The following ASAP1 variants were observed in gnomAD, a reference collection of about 807,000 sequenced individuals.
The protein encoded by ASAP1 is ArfGAP with SH3 domain, ankyrin repeat and PH domain 1.
ASAP1 carries 43 observed loss-of-function variants against 145.2 expected under a neutral mutation model. The observed-to-expected ratio is 0.30, with a 90% CI of 0.23 to 0.38. ASAP1 has a LOEUF of 0.38. Ranked by LOEUF, ASAP1 falls within the 10% of genes least tolerant of loss-of-function variation. The pLI is 1.00. For missense variants in ASAP1, 1,018 were observed against 1,355.3 expected, an observed-to-expected ratio of 0.75 and a Z score of 3.91; for synonymous variants, 546 against 515.5, an observed-to-expected ratio of 1.06 and a Z score of -0.80.
At chr8:130,114,698 T>C (rs2097552073) in intron 23 of ASAP1, among the ~76,000 whole-genome samples, 1 of 152,186 alleles carries the variant, frequency 6.6e-6, no homozygotes, top group Non-Finnish European at 1.5e-5. Flanking sequence ...GAAATGTTAT[T>C]ATACAGTGCA....
intron 27 of ASAP1, among the ~76,000 whole-genome samples, chr8:130,071,261 T>C (rs142287060): frequency 1.3e-5 from 2 of 152,266 alleles, no homozygotes; most frequent in Admixed American, 6.5e-5. Flanking sequence ...TATGAGCCAC[T>C]GCGCCCAACA....
intron 11 of ASAP1, chr8:130,167,329 C>T: frequency 3.1e-6 from 2 of 649,290 alleles, no homozygotes; most frequent in Admixed American, 2.5e-5. Flanking sequence ...AAAAAAAATC[C>T]AGAGTCATGG....
intron 3 of ASAP1, among the ~76,000 whole-genome samples, chr8:130,277,452 AT>A (rs777124693): frequency 2.0e-5 from 3 of 152,222 alleles, no homozygotes; most frequent in Non-Finnish European, 4.4e-5. Flanking sequence ...AAAAATACAA[AT>A]TCAAAATATG....
At chr8:130,227,411 C>A (rs929925202) in intron 4 of ASAP1, among the ~76,000 whole-genome samples, 17 of 152,014 alleles carry the variant, frequency 1.1e-4, no homozygotes, top group African/African-American at 4.1e-4. Context: ...TGCCACCATG[C>A]CCAGCTAATT....
rs1024739455 is a variant in ASAP1 at position 130,302,579 on chromosome 8, G to A, written c.186+55438C>T. 7.2e-5 allele frequency among the ~76,000 whole-genome samples: 11 copies of A among 152,322 alleles called. No homozygotes were observed. The South Asian group carries it at 2.1e-3, about 29-fold the overall frequency. On this transcript the variant is annotated intron_variant, in intron 3 of 29. Transcript: ENST00000518721. ...ACAACCAAGTTCTTTATCCAGATCA[G>A]CTGCCATCTGCTGGGAGCACTAGAT... is the stretch of plus-strand genomic sequence containing the variant.
chr8:130,361,797 G>A, intron 2 of ASAP1: 1 of 1,461,438 alleles, frequency 6.8e-7, no homozygotes, highest in Non-Finnish European at 9.3e-7. Flanking sequence ...GACTGACATG[G>A]GCAAAACGTA....
intron 3 of ASAP1, among the ~76,000 whole-genome samples, chr8:130,260,719 TGAAGG>T (rs746239790): frequency 3.9e-5 from 6 of 152,100 alleles, no homozygotes; most frequent in East Asian, 3.9e-4. Flanking sequence ...ATTTGGCCTC[TGAAGG>T]GATCCCCAGG....
chr8:130,310,658 C>T (rs1008955752), intron 3 of ASAP1, among the ~76,000 whole-genome samples: 4 of 151,376 alleles, frequency 2.6e-5, no homozygotes, highest in Admixed American at 6.6e-5. Flanking sequence ...TTTATAGAGT[C>T]AATCACCAAA....
Position 130,141,890 on chromosome 8 carries a change from T to A in ASAP1, c.1081-4852A>T, listed in dbSNP as rs1239768988. Among the ~76,000 whole-genome samples, 7 of 152,036 alleles carry A rather than the reference T, an allele frequency of 4.6e-5. 1 individual carries two copies. The South Asian group carries it at 1.0e-3, about 23-fold the overall frequency. On this transcript the variant is annotated intron_variant, in intron 13 of 29. Transcript: ENST00000518721. ...GCCTCACCATGCTTGACTAATTTTT[T>A]AAATTTTTGTAGAGATGGGATCTTG...
At chr8:130,060,075 CAAAAAAAAAA>C (rs55875346) in intron 28 of ASAP1, among the ~76,000 whole-genome samples, 1,691 of 95,828 alleles carry the variant, frequency 0.018, 24 homozygotes, top group East Asian at 0.081. Context: ...GAGCCCTTCT[CAAAAAAAAAA>C]AAAAAAAAAA....
intron 3 of ASAP1, among the ~76,000 whole-genome samples, chr8:130,253,998 G>C (rs768978704): frequency 1.3e-5 from 2 of 152,004 alleles, no homozygotes; most frequent in African/African-American, 4.8e-5. Context: ...TCCAGTTTGG[G>C]CAACAAGAGT....
intron 3 of ASAP1, among the ~76,000 whole-genome samples, chr8:130,237,673 C>T (rs1818294738): frequency 6.6e-6 from 1 of 151,970 alleles, no homozygotes; most frequent in Non-Finnish European, 1.5e-5. Context: ...TTCTAGGAGT[C>T]TATTGTTGTT....
intron 3 of ASAP1, among the ~76,000 whole-genome samples, chr8:130,253,119 A>T (rs1819303744): frequency 6.6e-6 from 1 of 152,186 alleles, no homozygotes; most frequent in Non-Finnish European, 1.5e-5. Flanking sequence ...TGAGATGGAG[A>T]ATCACATAGC....
intron 11 of ASAP1, among the ~76,000 whole-genome samples, chr8:130,160,390 T>C (rs1468563190): frequency 6.6e-6 from 1 of 152,214 alleles, no homozygotes; most frequent in African/African-American, 2.4e-5. Context: ...CCTTTCTCCC[T>C]TTACACATTC....
chr8:130,327,339 T>C (rs1173992369), intron 3 of ASAP1, among the ~76,000 whole-genome samples: 2 of 152,182 alleles, frequency 1.3e-5, no homozygotes, highest in African/African-American at 4.8e-5. Flanking sequence ...TGTTATTCCC[T>C]GAACAGCTCC....
chr8:130,226,821 C>T (rs1817613317), intron 4 of ASAP1, among the ~76,000 whole-genome samples: 1 of 152,192 alleles, frequency 6.6e-6, no homozygotes, highest in Non-Finnish European at 1.5e-5. Context: ...ATACAGCCTT[C>T]CTACCTGCCA....
intron 2 of ASAP1, among the ~76,000 whole-genome samples, chr8:130,399,533 T>C (rs1046941547): frequency 6.6e-5 from 10 of 152,200 alleles, no homozygotes; most frequent in Non-Finnish European, 1.3e-4. Context: ...TCATTTACCC[T>C]GGAAGGCGGT....
At chr8:130,093,079 C>T (rs978964517) in intron 24 of ASAP1, among the ~76,000 whole-genome samples, 1 of 151,942 alleles carries the variant, frequency 6.6e-6, no homozygotes, top group South Asian at 2.1e-4. Flanking sequence ...GCCTGAACAA[C>T]ATTTATATAG....
chr8:130,092,226 C>A, intron 24 of ASAP1, 83 bp from the exon 25 acceptor site: 2 of 1,402,516 alleles, frequency 1.4e-6, no homozygotes, highest in Non-Finnish European at 9.6e-7. Context: ...CACTTCCACA[C>A]ATCAGAATGT....
Sources: gnomAD v4.1 joint callset for allele counts (sites outside exome capture counted in the v4.1 genomes callset) on GRCh38, gnomAD v4.1.1 for gene constraint, MANE v1.5 for transcripts, NCBI Gene and HGNC (gene_info 2026-07-23, HGNC 2026-07-21) for gene names.